PLXDC2: variants seen among roughly 807,000 people sequenced by gnomAD.
PLXDC2 encodes the protein plexin domain-containing protein 2.
Under a neutral mutation model 68.9 loss-of-function variants are expected in PLXDC2, and 40 were observed. That is an observed-to-expected ratio of 0.58 (90% CI 0.45 to 0.76). The LOEUF (loss-of-function observed/expected upper bound fraction) is 0.76. Among genes scored for constraint, PLXDC2 ranks in the 30% least tolerant of loss-of-function variants. PLXDC2 has a pLI of 0.00. For missense variants in PLXDC2, 644 were observed against 661.9 expected (o/e 0.97, Z 0.30); for synonymous variants, 243 against 234.2 (o/e 1.04, Z -0.34).
intron 10 of PLXDC2, among the ~76,000 whole-genome samples, chr10:20,216,940 A>T (rs145221646): frequency 6.6e-6 from 1 of 152,364 alleles, no homozygotes; most frequent in Non-Finnish European, 1.5e-5. Context: ...TCAACTTGTG[A>T]CAGATGATTT....
rs1836111916 is a variant in PLXDC2, at chr10:20,283,782, A to G, written c.*3963A>G. On this transcript the variant is annotated 3_prime_UTR_variant, in exon 14 of 14. Transcript: ENST00000377252. Reference sequence around the variant, plus strand: ...GAAGGCACTATCTCAAACATAAATAATTTCATATTTATTTTATCACTGTAA... The same window carrying G: ...GAAGGCACTATCTCAAACATAAATAGTTTCATATTTATTTTATCACTGTAA... 1 of 152,208 alleles carries G rather than the reference A, an allele frequency of 6.6e-6. No individual in the cohort carries two copies. Among genetic ancestry groups the G allele is most frequent in the African/African-American group, 2.4e-5 (1 of 41,458 alleles). The allele number at this position is 152,208 out of a possible 1,614,324, so 9.4% of individuals were successfully genotyped here.
chr10:19,921,302 G>C (rs1182145803), intron 1 of PLXDC2, among the ~76,000 whole-genome samples: 2 of 152,098 alleles, frequency 1.3e-5, no homozygotes, highest in Admixed American at 1.3e-4. Flanking sequence ...ATTTGAGAAA[G>C]TATGTTCACA....
intron 13 of PLXDC2, among the ~76,000 whole-genome samples, chr10:20,274,996 A>G (rs536625563): frequency 3.9e-5 from 6 of 152,270 alleles, no homozygotes; most frequent in African/African-American, 1.2e-4. Flanking sequence ...CCAACCTTTA[A>G]CTTGTTAAGA....
intron 1 of PLXDC2, among the ~76,000 whole-genome samples, chr10:19,878,941 T>A (rs1175463642): frequency 1.3e-5 from 2 of 152,066 alleles, no homozygotes; most frequent in Admixed American, 1.3e-4. Flanking sequence ...AAGCAGAGGG[T>A]TTCTCCTCCA....
At chr10:19,959,114 A>G (rs768808859) in intron 1 of PLXDC2, among the ~76,000 whole-genome samples, 1 of 152,184 alleles carries the variant, frequency 6.6e-6, no homozygotes, top group Non-Finnish European at 1.5e-5. Context: ...TTAAATGTTC[A>G]TTTTACAAAT....
chr10:19,850,330 AT>A (rs1429110868), intron 1 of PLXDC2, among the ~76,000 whole-genome samples: 1 of 151,274 alleles, frequency 6.6e-6, no homozygotes, highest in Non-Finnish European at 1.5e-5. Context: ...AAAATTAAAT[AT>A]GTATTTTCCC....
intron 1 of PLXDC2, among the ~76,000 whole-genome samples, chr10:19,994,497 T>A (rs1265769502): frequency 6.6e-6 from 1 of 151,078 alleles, no homozygotes; most frequent in East Asian, 2.0e-4. Context: ...CCCAAATGTT[T>A]CTCACCAAAA....
intron 1 of PLXDC2, among the ~76,000 whole-genome samples, chr10:19,880,983 G>C (rs968975334): frequency 1.3e-5 from 2 of 152,166 alleles, no homozygotes; most frequent in South Asian, 4.1e-4. Flanking sequence ...TATTACACAA[G>C]AGTAATTTAA....
intron 1 of PLXDC2, among the ~76,000 whole-genome samples, chr10:19,853,850 C>G (rs183019848): frequency 6.6e-6 from 1 of 152,288 alleles, no homozygotes; most frequent in Non-Finnish European, 1.5e-5. Flanking sequence ...AATTTCTTTT[C>G]TGGCTTCTCC....
rs909586093 is a variant in PLXDC2 at position 20,154,293 on chromosome 10, G to C, written c.783+6391G>C. 5.9e-5 allele frequency among the ~76,000 whole-genome samples: 9 copies of C among 152,198 alleles called. No homozygotes were observed. The East Asian group carries it at 1.5e-3, about 26-fold the overall frequency. On this transcript the variant is annotated intron_variant, in intron 6 of 13. Transcript: ENST00000377252. ...ACATTTTATTCCAATGGCCGGGTACGGTGGCTCACGCCTGTGATCCCAGCA... is the reference window on the plus strand; with the variant it reads ...ACATTTTATTCCAATGGCCGGGTACCGTGGCTCACGCCTGTGATCCCAGCA...
chr10:20,213,277 A>G (rs1835093252), intron 10 of PLXDC2, among the ~76,000 whole-genome samples: 1 of 151,760 alleles, frequency 6.6e-6, no homozygotes, highest in South Asian at 2.1e-4. Flanking sequence ...TTTTTTCTTG[A>G]TGGATAGCCA....
At chr10:19,986,596 G>C (rs1834645756) in intron 1 of PLXDC2, among the ~76,000 whole-genome samples, 1 of 151,774 alleles carries the variant, frequency 6.6e-6, no homozygotes, top group Admixed American at 6.6e-5. Context: ...CAGGCTGCCT[G>C]TCTGTTACCC....
intron 1 of PLXDC2, among the ~76,000 whole-genome samples, chr10:19,952,734 G>A (rs969728942): frequency 7.9e-5 from 12 of 152,278 alleles, no homozygotes; most frequent in East Asian, 3.9e-4. Context: ...TTGGAAATAC[G>A]TTGAGCTGTA....
At chr10:20,242,030 A>G (rs961125299) in intron 12 of PLXDC2, among the ~76,000 whole-genome samples, 3 of 152,070 alleles carry the variant, frequency 2.0e-5, no homozygotes, top group Non-Finnish European at 4.4e-5. Context: ...AGACGAGTGG[A>G]AGAGGGAGGG....
intron 1 of PLXDC2, among the ~76,000 whole-genome samples, chr10:19,883,723 G>A (rs557980889): frequency 6.6e-6 from 1 of 151,598 alleles, no homozygotes; most frequent in Admixed American, 6.6e-5. Flanking sequence ...GAGAAGAATG[G>A]GTAATAAAAA....
chr10:20,268,951 G>A (rs983714730), intron 13 of PLXDC2, among the ~76,000 whole-genome samples: 3 of 152,094 alleles, frequency 2.0e-5, no homozygotes, highest in African/African-American at 7.2e-5. Flanking sequence ...TGGCAATGTG[G>A]CTCAAAAAAT....
At chr10:19,868,019 AC>A (rs765186047) in intron 1 of PLXDC2, among the ~76,000 whole-genome samples, 2 of 152,046 alleles carry the variant, frequency 1.3e-5, no homozygotes, top group African/African-American at 2.4e-5. Context: ...AGAAATTAAA[AC>A]TGTTATCTGG....
chr10:19,827,018 C>T (rs935806814), intron 1 of PLXDC2, among the ~76,000 whole-genome samples: 1 of 152,158 alleles, frequency 6.6e-6, no homozygotes, highest in Non-Finnish European at 1.5e-5. Context: ...TTCAGTTTTC[C>T]ATCCATGGAT....
At chr10:20,061,178 AT>A (rs1836096652) in intron 3 of PLXDC2, among the ~76,000 whole-genome samples, 1 of 152,152 alleles carries the variant, frequency 6.6e-6, no homozygotes, top group African/African-American at 2.4e-5. Flanking sequence ...CTTTATTCCA[AT>A]TTTGCTAATT....
Sources: allele counts gnomAD v4.1 joint callset (sites outside exome capture counted in the v4.1 genomes callset), GRCh38; gene constraint gnomAD v4.1.1; transcripts MANE v1.5; gene names NCBI Gene and HGNC (gene_info 2026-07-23, HGNC 2026-07-21).